FRAS1: variants seen among roughly 807,000 people sequenced by gnomAD.
FRAS1 encodes Fraser extracellular matrix complex subunit 1, also known as extracellular matrix organizing protein FRAS1.
A neutral mutation model predicts 435.2 loss-of-function variants in FRAS1; 290 were observed. That is an observed-to-expected ratio of 0.67 (90% CI 0.61 to 0.73). The LOEUF (loss-of-function observed/expected upper bound fraction) is 0.73. Among genes scored for constraint, FRAS1 ranks in the 30% least tolerant of loss-of-function variants. FRAS1 has a pLI of 0.00. For synonymous variants in FRAS1, 1,800 were observed against 1,851.0 expected, an observed-to-expected ratio of 0.97 and a Z score of 0.71; for missense variants, 4,860 against 5,001.5, an observed-to-expected ratio of 0.97 and a Z score of 0.85.
Position 78,308,075 on chromosome 4 carries a change from A to C in FRAS1, c.1544A>C (p.Glu515Ala). 3.1e-6 allele frequency: 5 copies of C among 1,606,672 alleles called. No homozygotes were observed. The highest frequency in any genetic ancestry group is 4.3e-6 in the Non-Finnish European group (5 of 1,175,280). The change falls in exon 15 of 74, where the codon GAG (glutamate) becomes GCG (alanine). Residue 515 changes from glutamate to alanine, a missense_variant. By Grantham distance (107) the Glu-to-Ala change is moderately radical (BLOSUM62 -1). Coordinates refer to ENST00000512123, the MANE Select transcript of FRAS1 (RefSeq NM_025074.7). The stretch of plus-strand genomic sequence containing the variant: ...TGCTATTCGTCTGCAGTCTGCCATG[A>C]GTCCTGTGCAGGTTGCTGGGGCCCA... ...QDRHSCAVCHESCAGCWGPTE... is the reference protein window; with the variant it reads ...QDRHSCAVCHASCAGCWGPTE...
chr4:78,391,948 T>C (rs1052404781), intron 29 of FRAS1, among the ~76,000 whole-genome samples: 8 of 152,064 alleles, frequency 5.3e-5, no homozygotes, highest in African/African-American at 1.9e-4. Flanking sequence ...GCCTATATCA[T>C]AAATAACTAA....
chr4:78,463,225 A>G (rs551603415), intron 47 of FRAS1, among the ~76,000 whole-genome samples: 10 of 152,314 alleles, frequency 6.6e-5, no homozygotes, highest in Middle Eastern at 3.4e-3. Context: ...TAAAGCAGAG[A>G]TATTGCACAT....
At chr4:78,069,728 G>A (rs989404930) in intron 2 of FRAS1, among the ~76,000 whole-genome samples, 1 of 151,912 alleles carries the variant, frequency 6.6e-6, no homozygotes, top group African/African-American at 2.4e-5. Flanking sequence ...AGAACAAGAG[G>A]AAGGGCCAGT....
At chr4:78,236,644 G>T (rs1724776157) in intron 2 of FRAS1, among the ~76,000 whole-genome samples, 1 of 152,104 alleles carries the variant, frequency 6.6e-6, no homozygotes, top group Admixed American at 6.6e-5. Flanking sequence ...ACAGAAACAG[G>T]TATCTGTGGA....
At chr4:78,202,779 T>TCAAGCTCC (rs767648376) in intron 2 of FRAS1, among the ~76,000 whole-genome samples, 35 of 152,360 alleles carry the variant, frequency 2.3e-4, no homozygotes, top group Admixed American at 4.6e-4. Flanking sequence ...ACATGTTTTA[T>TCAAGCTCC]CAAGCTCCCA....
At chr4:78,531,718 A>G (rs182120225) in intron 70 of FRAS1, among the ~76,000 whole-genome samples, 150 of 152,234 alleles carry the variant, frequency 9.9e-4, no homozygotes, top group African/African-American at 3.4e-3. Flanking sequence ...TTCTATCATC[A>G]TACCTACATC....
intron 14 of FRAS1, among the ~76,000 whole-genome samples, chr4:78,290,353 T>C (rs1341752271): frequency 6.6e-6 from 1 of 152,242 alleles, no homozygotes; most frequent in Non-Finnish European, 1.5e-5. Flanking sequence ...GCCTTCATTC[T>C]GCAGGCGCAG....
At chr4:78,488,788 A>G in intron 58 of FRAS1, 87 bp from the exon 59 acceptor site, 2 of 1,267,360 alleles carry the variant, frequency 1.6e-6, no homozygotes, top group Non-Finnish European at 2.2e-6. Context: ...ACCTGCCAAA[A>G]TAGCTGCTGA....
At chr4:78,060,329 G>A (rs1357267427) in intron 1 of FRAS1, among the ~76,000 whole-genome samples, 1 of 152,150 alleles carries the variant, frequency 6.6e-6, no homozygotes, top group Non-Finnish European at 1.5e-5. Flanking sequence ...TTTATTATCA[G>A]CCTAGAGAAT....
At chr4:78,539,543 C>T in intron 73 of FRAS1, 103 bp downstream of exon 73, 1 of 1,078,762 alleles carries the variant, frequency 9.3e-7, no homozygotes, top group Non-Finnish European at 1.3e-6. Flanking sequence ...GATTCTTCAA[C>T]ATTCTGCCAT....
intron 2 of FRAS1, among the ~76,000 whole-genome samples, chr4:78,169,177 G>A (rs1721453332): frequency 6.6e-6 from 1 of 152,078 alleles, no homozygotes; most frequent in African/African-American, 2.4e-5. Context: ...CAGCCATCAT[G>A]CATTCATCAT....
At chr4:78,157,715 C>G (rs543925113) in intron 2 of FRAS1, among the ~76,000 whole-genome samples, 17 of 152,052 alleles carry the variant, frequency 1.1e-4, no homozygotes, top group Non-Finnish European at 1.0e-4. Flanking sequence ...GAGTGTTTGC[C>G]CTTTGTAGGA....
intron 9 of FRAS1, among the ~76,000 whole-genome samples, chr4:78,269,326 G>A (rs1206936956): frequency 6.6e-6 from 1 of 152,216 alleles, no homozygotes; most frequent in African/African-American, 2.4e-5. Flanking sequence ...GCTCCCGGAG[G>A]AAATGACTAT....
intron 1 of FRAS1, among the ~76,000 whole-genome samples, chr4:78,065,087 TACAC>T (rs1293298298): frequency 2.8e-5 from 4 of 141,344 alleles, no homozygotes; most frequent in Non-Finnish European, 4.6e-5. Flanking sequence ...TATATATACA[TACAC>T]ACACACACAC....
intron 2 of FRAS1, among the ~76,000 whole-genome samples, chr4:78,078,533 CA>C (rs1192812957): frequency 6.6e-6 from 1 of 151,920 alleles, no homozygotes; most frequent in African/African-American, 2.4e-5. Context: ...AATTTGATGA[CA>C]TTTAAAAATA....
In FRAS1 at chr4:78,499,870, C is replaced by T; in HGVS notation, c.9265C>T (p.Gln3089Ter). The change falls in exon 61 of 74, where the codon CAG (glutamine) becomes TAG (stop). Residue 3089 changes from glutamine to a stop codon, truncating the protein, a stop_gained. Transcript: ENST00000512123. LOFTEE classifies it high-confidence loss of function. ...CTGCAGCACGCGGGATGGCTCTGCCCAGTCTGGTGTGGATTATTACCCAAA... is the reference window on the plus strand; with the variant it reads ...CTGCAGCACGCGGGATGGCTCTGCCTAGTCTGGTGTGGATTATTACCCAAA... Reference protein sequence around the residue: ...VRCSTRDGSAQSGVDYYPKSR... With the variant: ...VRCSTRDGSA The T allele has an allele frequency of 8.1e-6, 13 of 1,610,498 alleles. No homozygotes were observed. The highest frequency in any genetic ancestry group is 1.0e-5 in the Non-Finnish European group (12 of 1,177,394).
chr4:78,195,241 T>C (rs572005037), intron 2 of FRAS1, among the ~76,000 whole-genome samples: 33 of 152,342 alleles, frequency 2.2e-4, no homozygotes, highest in African/African-American at 7.9e-4. Flanking sequence ...GAGGAGGCAG[T>C]CTGTCCGTTC....
intron 21 of FRAS1, 119 bp downstream of exon 21, chr4:78,363,784 A>G (rs1731167132): frequency 7.1e-7 from 1 of 1,414,386 alleles, no homozygotes; most frequent in Non-Finnish European, 9.6e-7. Context: ...AACCACTTCC[A>G]TGGGACTGTA....
rs1260158721 is a variant in FRAS1 at position 78,450,300 on chromosome 4, G to A, written c.6424G>A (p.Gly2142Ser). Reference sequence around the variant, plus strand: ...CAACCTGGAGCAAATTTCTATTAAAGGCCCCATCCGAAGTTTCACCCAGGC... The same window carrying A: ...CAACCTGGAGCAAATTTCTATTAAAAGCCCCATCCGAAGTTTCACCCAGGC... ...HGNLEQISIK[G>S]PIRSFTQADI... is the part of the protein sequence containing the mutation. The change falls in exon 45 of 74, where the codon GGC becomes AGC. Residue 2142 changes from glycine to serine, a missense_variant. Transcript: ENST00000512123. 1 of 1,613,704 alleles carries A rather than the reference G, an allele frequency of 6.2e-7. No individual in the cohort carries two copies. Among genetic ancestry groups the A allele is most frequent in the African/African-American group, 1.3e-5 (1 of 74,886 alleles).
Sources: gnomAD v4.1 joint callset for allele counts (sites outside exome capture counted in the v4.1 genomes callset) on GRCh38, gnomAD v4.1.1 for gene constraint, MANE v1.5 for transcripts, NCBI Gene and HGNC (gene_info 2026-07-23, HGNC 2026-07-21) for gene names.